SUMF1: variants seen among roughly 807,000 people sequenced by gnomAD.
The protein encoded by SUMF1 is sulfatase modifying factor 1.
Under a neutral mutation model 47.6 loss-of-function variants are expected in SUMF1, and 48 were observed. The ratio of observed to expected loss-of-function variants is 1.01; its 90% CI spans 0.80 to 1.28. The LOEUF is 1.28. SUMF1 is among the 50% of genes most tolerant of loss of function. The pLI is 0.00. For synonymous variants in SUMF1, 230 were observed against 192.1 expected, an observed-to-expected ratio of 1.20 and a Z score of -1.63; for missense variants, 571 against 485.4, an observed-to-expected ratio of 1.18 and a Z score of -1.66.
intron 7 of SUMF1, among the ~76,000 whole-genome samples, chr3:4,381,910 G>T (rs1406624326): frequency 6.6e-6 from 1 of 152,156 alleles, no homozygotes; most frequent in Non-Finnish European, 1.5e-5. Flanking sequence ...GCCGGGCGTG[G>T]TGGGGCACGC....
At chr3:4,295,478 C>T (rs924522399) in intron 8 of SUMF1, among the ~76,000 whole-genome samples, 2 of 151,796 alleles carry the variant, frequency 1.3e-5, no homozygotes, top group Non-Finnish European at 2.9e-5. Context: ...GAAGGAAGAT[C>T]TAGTACTCTA....
At chr3:4,277,867 TC>T (rs1697450473) in intron 8 of SUMF1, among the ~76,000 whole-genome samples, 1 of 152,050 alleles carries the variant, frequency 6.6e-6, no homozygotes, top group South Asian at 2.1e-4. Context: ...ACAGGGCCCA[TC>T]CAAAGTTTTA....
At chr3:4,099,093 A>T (rs1309850315) in intron 8 of SUMF1, among the ~76,000 whole-genome samples, 1 of 152,134 alleles carries the variant, frequency 6.6e-6, no homozygotes, top group Non-Finnish European at 1.5e-5. Flanking sequence ...AGAAGTAAGG[A>T]TCTGCCCTGA....
At chr3:4,372,054 T>C (rs986788451) in intron 8 of SUMF1, among the ~76,000 whole-genome samples, 3 of 152,146 alleles carry the variant, frequency 2.0e-5, no homozygotes, top group African/African-American at 7.2e-5. Context: ...ATGTCTGTTA[T>C]CTCAGCACTT....
chr3:4,355,071 C>T (rs562451608), intron 8 of SUMF1, among the ~76,000 whole-genome samples: 7 of 152,262 alleles, frequency 4.6e-5, no homozygotes, highest in East Asian at 1.9e-4. Context: ...ACAGTGACGC[C>T]GGACACAGTG....
chr3:4,211,671 C>A (rs1248637791), intron 8 of SUMF1, among the ~76,000 whole-genome samples: 2 of 152,120 alleles, frequency 1.3e-5, no homozygotes, highest in Non-Finnish European at 2.9e-5. Flanking sequence ...AGACTATAAA[C>A]TACAAGGTAT....
intron 7 of SUMF1, among the ~76,000 whole-genome samples, chr3:4,381,415 A>T (rs949702887): frequency 2.0e-5 from 3 of 152,124 alleles, no homozygotes; most frequent in Non-Finnish European, 1.5e-5. Flanking sequence ...GTGCACCAAA[A>T]TCTCACAGAT....
intron 8 of SUMF1, among the ~76,000 whole-genome samples, chr3:4,351,085 T>G (rs1164479106): frequency 6.6e-6 from 1 of 152,196 alleles, no homozygotes; most frequent in Non-Finnish European, 1.5e-5. Context: ...CACAAGAGAT[T>G]GTTCAAAGGT....
chr3:4,375,685 G>A (rs943977186), intron 8 of SUMF1, among the ~76,000 whole-genome samples: 3 of 152,138 alleles, frequency 2.0e-5, no homozygotes, highest in Non-Finnish European at 4.4e-5. Context: ...TAGAAAGCTG[G>A]AGTTCAGGAG....
intron 8 of SUMF1, among the ~76,000 whole-genome samples, chr3:4,086,031 G>T (rs902035013): frequency 6.6e-6 from 1 of 151,940 alleles, no homozygotes; most frequent in Admixed American, 6.6e-5. Context: ...ATCCCCTGGT[G>T]CAAGTTAAAG....
intron 8 of SUMF1, among the ~76,000 whole-genome samples, chr3:4,365,809 T>A (rs138081934): frequency 6.6e-6 from 1 of 150,534 alleles, no homozygotes. Flanking sequence ...TTCTTCCTAG[T>A]CTCGATGGTC....
chr3:4,253,660 T>C (rs2125013380), intron 8 of SUMF1, among the ~76,000 whole-genome samples: 1 of 151,614 alleles, frequency 6.6e-6, no homozygotes, highest in Middle Eastern at 3.4e-3. Flanking sequence ...GTGATCAAAC[T>C]GCAAGGCGGC....
intron 9 of SUMF1, among the ~76,000 whole-genome samples, chr3:4,058,826 A>G (rs1348863195): frequency 1.3e-5 from 2 of 152,138 alleles, no homozygotes; most frequent in Non-Finnish European, 1.5e-5. Context: ...CATTAACCCA[A>G]TGCCCCATTT....
At position 4,206,320 on chromosome 3, in the gene SUMF1, A is replaced by G. The variant is rs570177060; in HGVS notation, c.1015-137575T>C. On this transcript the variant is annotated intron_variant and NMD_transcript_variant, in intron 8 of 12. Transcript: ENST00000448413. ...CCACTGGTTCCAAGCCCAGCAAAGC[A>G]CCAGAACTTGCTCAGGAATCACAGT... Among the ~76,000 whole-genome samples the G allele has an allele frequency of 2.0e-5, 3 of 152,098 alleles. No individual in the cohort carries two copies. The East Asian group carries it at 5.8e-4, about 30-fold the overall frequency.
At chr3:4,148,670 C>T (rs1022813589) in intron 8 of SUMF1, among the ~76,000 whole-genome samples, 1 of 152,140 alleles carries the variant, frequency 6.6e-6, no homozygotes, top group African/African-American at 2.4e-5. Context: ...AGTATACAAA[C>T]AAATGGTAAT....
In SUMF1 at chr3:4,467,031, C is replaced by A. The variant is rs567209740; in HGVS notation, c.215G>T (p.Arg72Leu). Residue 72 changes from arginine (R) to leucine (L), a missense_variant, in exon 1 of 9, where the codon CGG (arginine) becomes CTG (leucine). Physicochemically the swap from Arg to Leu is moderately radical, Grantham distance 102. Transcript: ENST00000272902. ...TACGGGGCCCGGAGCGTTAGCCTCC[C>A]GCGAGTATCGGTGAGCGGCTGCCGA... ...GSSAAAHRYS[R>L]EANAPGPVPG... 64 of 1,582,988 alleles carry A rather than the reference C, an allele frequency of 4.0e-5. 1 individual carries two copies. In the African/African-American group the frequency reaches 7.0e-4, roughly 17 times the overall value.
chr3:4,295,169 C>T (rs1697825068), intron 8 of SUMF1, among the ~76,000 whole-genome samples: 1 of 152,002 alleles, frequency 6.6e-6, no homozygotes. Flanking sequence ...TTTCCTTTCT[C>T]CACTCAAATG....
intron 8 of SUMF1, among the ~76,000 whole-genome samples, chr3:4,142,931 T>C (rs959623482): frequency 2.0e-5 from 3 of 152,052 alleles, no homozygotes; most frequent in Admixed American, 2.0e-4. Context: ...TATTTTCCAA[T>C]ATCCAGTCCC....
chr3:4,153,081 A>C lies in SUMF1; in HGVS notation c.1015-84336T>G, dbSNP rs367840335. 5.1e-4 allele frequency among the ~76,000 whole-genome samples: 78 copies of C among 151,720 alleles called. 5 individuals are homozygous for C. Among genetic ancestry groups the C allele is most frequent in the African/African-American group, 1.3e-3 (55 of 40,992 alleles). ...CAGAACCCTGCAAAGTTACAGCTAC[A>C]ATCACTTCTGATCCTCAAAAAGTTT... On this transcript the variant is annotated intron_variant and NMD_transcript_variant, in intron 8 of 12. Coordinates refer to the SUMF1 transcript ENST00000448413.
Sources: gnomAD v4.1 joint callset for allele counts (sites outside exome capture counted in the v4.1 genomes callset) on GRCh38, gnomAD v4.1.1 for gene constraint, MANE v1.5 for transcripts, NCBI Gene and HGNC (gene_info 2026-07-23, HGNC 2026-07-21) for gene names.